Variants in TMEM87B observed in about 807,000 individuals in gnomAD.
TMEM87B encodes transmembrane protein 87B.
Under a neutral mutation model 80.3 loss-of-function variants are expected in TMEM87B, and 83 were observed. The observed-to-expected ratio is 1.03, with a 90% CI of 0.87 to 1.24. TMEM87B has a LOEUF of 1.24. TMEM87B is among the 50% of genes most tolerant of loss of function. The pLI, the probability that TMEM87B is intolerant of heterozygous loss-of-function variation, is 0.00. For missense variants in TMEM87B, 625 were observed against 674.4 expected (o/e 0.93, Z 0.81); for synonymous variants, 219 against 230.5 (o/e 0.95, Z 0.45).
intron 11 of TMEM87B, among the ~76,000 whole-genome samples, chr2:112,096,614 A>G (rs570095076): frequency 6.6e-6 from 1 of 152,242 alleles, no homozygotes; most frequent in Non-Finnish European, 1.5e-5. Flanking sequence ...ATGGTTATTC[A>G]AATAATAAAA....
chr2:112,056,224 CT>C (rs1171512257), intron 1 of TMEM87B, among the ~76,000 whole-genome samples: 1 of 151,190 alleles, frequency 6.6e-6, no homozygotes, highest in African/African-American at 2.4e-5. Context: ...CTGCCGCTTC[CT>C]TAAAAAAAAA....
intron 6 of TMEM87B, among the ~76,000 whole-genome samples, chr2:112,077,695 G>A (rs530354705): frequency 4.7e-4 from 72 of 152,286 alleles, no homozygotes; most frequent in Non-Finnish European, 6.5e-4. Flanking sequence ...TTATTTTAAA[G>A]GATCTGTCTG....
At chr2:112,060,566 T>A (rs1318270948) in intron 2 of TMEM87B, among the ~76,000 whole-genome samples, 1 of 151,806 alleles carries the variant, frequency 6.6e-6, no homozygotes, top group Non-Finnish European at 1.5e-5. Flanking sequence ...AGACAGAGTC[T>A]TTCTCTGTCA....
At chr2:112,095,840 G>A (rs59073210) in intron 11 of TMEM87B, among the ~76,000 whole-genome samples, 8,057 of 152,228 alleles carry the variant, frequency 0.053, 387 homozygotes, top group African/African-American at 0.13. Context: ...AAGCTTGTTG[G>A]TCTGCTCCAG....
Position 112,055,808 on chromosome 2 carries a change from G to A in TMEM87B, c.165+52G>A, listed in dbSNP as rs748510904. ...TGGCACGTCTCGGGCCGTCAGGGCC[G>A]TCGTGCGGCTTCGCTTGACCCCGGG... is the stretch of plus-strand genomic sequence containing the variant. On this transcript the variant is annotated intron_variant, in intron 1 of 18. Transcript: ENST00000283206. 2.8e-6 allele frequency: 4 copies of A among 1,444,586 alleles called. No homozygotes were observed. The South Asian group carries it at 4.5e-5, about 16-fold the overall frequency. The allele number at this position is 1,444,586 out of a possible 1,614,324, so 89.5% of individuals were successfully genotyped here.
At chr2:112,064,124 A>G in intron 2 of TMEM87B, 38 bp from the exon 3 acceptor site, 1 of 1,549,004 alleles carries the variant, frequency 6.5e-7, no homozygotes, top group Non-Finnish European at 8.9e-7. Context: ...GAGTGTATGT[A>G]TTATTCATGT....
intron 14 of TMEM87B, 91 bp downstream of exon 14, chr2:112,098,789 T>G (rs1017259722): frequency 2.3e-5 from 29 of 1,277,634 alleles, no homozygotes; most frequent in Non-Finnish European, 3.4e-6. Flanking sequence ...AGGAGAATAG[T>G]CGTTGCTTTT....
chr2:112,101,593 G>A (rs887801840), intron 15 of TMEM87B, among the ~76,000 whole-genome samples: 2 of 152,144 alleles, frequency 1.3e-5, no homozygotes, highest in African/African-American at 2.4e-5. Flanking sequence ...TGTATTATAT[G>A]TATTTTATAC....
chr2:112,061,006 A>G (rs1239916562), intron 2 of TMEM87B, among the ~76,000 whole-genome samples: 2 of 152,232 alleles, frequency 1.3e-5, no homozygotes, highest in African/African-American at 4.8e-5. Flanking sequence ...AATATATGAA[A>G]TGTCATGATT....
chr2:112,115,935 C>A, intron 18 of TMEM87B, 149 bp from the exon 19 acceptor site: 1 of 615,162 alleles, frequency 1.6e-6, no homozygotes, highest in East Asian at 2.9e-5. Context: ...TGTACTTGGC[C>A]TTTTATTTTC....
rs921375224 is a variant in TMEM87B, at chr2:112,118,513, G to A, written c.*2370G>A. 3 of 152,132 alleles carry A rather than the reference G, an allele frequency of 2.0e-5. No homozygotes were observed. The highest frequency in any genetic ancestry group is 7.2e-5 in the African/African-American group (3 of 41,426). The allele number at this position is 152,132 out of a possible 1,614,324, so 9.4% of individuals were successfully genotyped here. ...TATGCCATTCATTCATACGATGTGT[G>A]AAATTTGCTTAAAAGGGAATTTTCA... On this transcript the variant is annotated 3_prime_UTR_variant, in exon 19 of 19. Coordinates refer to ENST00000283206, the MANE Select transcript of TMEM87B (RefSeq NM_032824.3).
At chr2:112,100,802 T>G in intron 15 of TMEM87B, 107 bp downstream of exon 15, 1 of 618,000 alleles carries the variant, frequency 1.6e-6, no homozygotes, top group African/African-American at 1.9e-5. Flanking sequence ...TTCTATAAAA[T>G]ATTTTAAAAA....
At chr2:112,096,262 A>G (rs961104395) in intron 11 of TMEM87B, among the ~76,000 whole-genome samples, 1 of 151,866 alleles carries the variant, frequency 6.6e-6, no homozygotes, top group African/African-American at 2.4e-5. Flanking sequence ...ATAAACGTTG[A>G]CTCACCGTCA....
At chr2:112,061,138 G>T (rs1331386638) in intron 2 of TMEM87B, among the ~76,000 whole-genome samples, 2 of 152,182 alleles carry the variant, frequency 1.3e-5, no homozygotes, top group Non-Finnish European at 2.9e-5. Flanking sequence ...ATATTCATTA[G>T]GTAGGGCCTG....
At chr2:112,113,724 A>G (rs1679981523) in intron 18 of TMEM87B, among the ~76,000 whole-genome samples, 1 of 120,206 alleles carries the variant, frequency 8.3e-6, no homozygotes, top group East Asian at 2.5e-4. Flanking sequence ...AGCATTACAG[A>G]AAGATTCATA....
At chr2:112,099,555 TAC>T (rs70962984) in intron 14 of TMEM87B, among the ~76,000 whole-genome samples, 15,042 of 72,970 alleles carry the variant, frequency 0.21, 1,345 homozygotes, top group East Asian at 0.56. Context: ...TATATATATA[TAC>T]ACACACACAC....
At chr2:112,100,512 T>G (rs1341229621) in intron 14 of TMEM87B, 110 bp from the exon 15 acceptor site, 1 of 625,912 alleles carries the variant, frequency 1.6e-6, no homozygotes, top group East Asian at 3.2e-5. Context: ...TATTTTAAAG[T>G]ATAAGAAATT....
chr2:112,085,908 T>C, intron 8 of TMEM87B, 97 bp from the exon 9 acceptor site: 1 of 906,948 alleles, frequency 1.1e-6, no homozygotes, highest in Non-Finnish European at 1.6e-6. Context: ...GGTCTGAAGT[T>C]CGAATGTAGT....
At chr2:112,103,545 G>A (rs957723500) in intron 15 of TMEM87B, among the ~76,000 whole-genome samples, 5 of 152,172 alleles carry the variant, frequency 3.3e-5, no homozygotes, top group Admixed American at 6.5e-5. Flanking sequence ...AGTGAAAGAA[G>A]CCAATCACAA....
Sources: allele counts gnomAD v4.1 joint callset (sites outside exome capture counted in the v4.1 genomes callset), GRCh38; gene constraint gnomAD v4.1.1; transcripts MANE v1.5; gene names NCBI Gene and HGNC (gene_info 2026-07-23, HGNC 2026-07-21).